The following VWA8 variants were observed in gnomAD, a reference collection of about 807,000 sequenced individuals.
VWA8 encodes von Willebrand factor A domain-containing protein 8.
In VWA8, 221 loss-of-function variants were observed where a neutral mutation model predicts 241.5. The ratio of observed to expected loss-of-function variants is 0.91; its 90% CI spans 0.82 to 1.02. The LOEUF is 1.02. VWA8 is among the 50% of genes least tolerant of loss of function. The pLI, the probability that VWA8 is intolerant of heterozygous loss-of-function variation, is 0.00. For missense variants in VWA8, 2,322 were observed against 2,328.7 expected (o/e 1.00, Z 0.06); for synonymous variants, 852 against 827.1 (o/e 1.03, Z -0.52).
intron 10 of VWA8, among the ~76,000 whole-genome samples, chr13:41,867,557 C>T (rs922037885): frequency 1.3e-5 from 2 of 152,022 alleles, no homozygotes; most frequent in African/African-American, 4.8e-5. Flanking sequence ...ATGGATCTTG[C>T]GGGATTTAAA....
At chr13:41,612,333 T>C (rs9590616) in intron 38 of VWA8, among the ~76,000 whole-genome samples, 2,439 of 152,294 alleles carry the variant, frequency 0.016, 73 homozygotes, top group African/African-American at 0.055. Flanking sequence ...TTACACCAAC[T>C]TTGACTTCTG....
At chr13:41,866,361 ATAT>A (rs1566486804) in intron 10 of VWA8, among the ~76,000 whole-genome samples, 1 of 143,860 alleles carries the variant, frequency 7.0e-6, no homozygotes, top group African/African-American at 2.6e-5. Flanking sequence ...AAAAAAAAAT[ATAT>A]ATATATATAT....
At chr13:41,845,552 C>T (rs1266296513) in intron 12 of VWA8, among the ~76,000 whole-genome samples, 1 of 151,778 alleles carries the variant, frequency 6.6e-6, no homozygotes, top group East Asian at 1.9e-4. Context: ...ACAGCAAAGA[C>T]ATGGAAGCAA....
At chr13:41,679,603 T>C (rs1413681990) in intron 35 of VWA8, among the ~76,000 whole-genome samples, 1 of 151,986 alleles carries the variant, frequency 6.6e-6, no homozygotes, top group Non-Finnish European at 1.5e-5. Context: ...AAGAAAGCAA[T>C]AAATTTCTCC....
In VWA8 at chr13:41,738,804, T is replaced by G. The variant is rs1037333506; in HGVS notation, c.2427-6649A>C. ...GAAAAACACATTTTCTAATCATTTT[T>G]TTGAAAAAAAATGGAAGAATGAAAT... On this transcript the variant is annotated intron_variant, in intron 21 of 44. Coordinates refer to ENST00000379310, the MANE Select transcript of VWA8 (RefSeq NM_015058.2). Among the ~76,000 whole-genome samples, 5 of 152,158 alleles carry G rather than the reference T, an allele frequency of 3.3e-5. No homozygotes were observed. In the South Asian group the frequency reaches 1.0e-3, roughly 32 times the overall value.
intron 5 of VWA8, among the ~76,000 whole-genome samples, chr13:41,887,770 T>C (rs1194519004): frequency 1.3e-5 from 2 of 152,266 alleles, no homozygotes; most frequent in African/African-American, 4.8e-5. Flanking sequence ...ATTATGTTTA[T>C]GGTTATTCCT....
chr13:41,611,510 C>T lies in VWA8; in HGVS notation c.4877+66G>A, dbSNP rs3814783. The T allele has an allele frequency of 1.8e-3, 2,737 of 1,544,324 alleles. 89 individuals are homozygous for T. The East Asian group carries it at 0.054, about 31-fold the overall frequency. Reference sequence around the variant, plus strand: ...GGAAACACACACAAATCTAGGTTTCCCCACAGTCCATCATGACATTTCACC... The same window carrying T: ...GGAAACACACACAAATCTAGGTTTCTCCACAGTCCATCATGACATTTCACC... On this transcript the variant is annotated intron_variant, in intron 39 of 44. Transcript: ENST00000379310.
rs375039841 is a variant in VWA8 at position 41,614,448 on chromosome 13, G to A, written c.4720+528C>T. 3.3e-4 allele frequency among the ~76,000 whole-genome samples: 51 copies of A among 152,294 alleles called. 1 individual carries two copies. In the South Asian group the frequency reaches 8.7e-3, roughly 26 times the overall value. On this transcript the variant is annotated intron_variant, in intron 38 of 44. Transcript: ENST00000379310. ...AGCCAAGAGGAAGGAGTCGGCCATC[G>A]GTTTAGACTGCAACCAGCCTTATCT...
intron 21 of VWA8, among the ~76,000 whole-genome samples, chr13:41,760,515 A>G (rs2045731582): frequency 6.6e-6 from 1 of 151,914 alleles, no homozygotes; most frequent in African/African-American, 2.4e-5. Flanking sequence ...ATTACTTGAT[A>G]TATTTCTTGA....
chr13:41,860,357 C>T (rs1181472728), intron 12 of VWA8, among the ~76,000 whole-genome samples: 1 of 152,148 alleles, frequency 6.6e-6, no homozygotes, highest in African/African-American at 2.4e-5. Flanking sequence ...AGGATATGTA[C>T]AAAGGATGGG....
At chr13:41,575,030 C>T (rs140655201) in intron 43 of VWA8, among the ~76,000 whole-genome samples, 37 of 152,192 alleles carry the variant, frequency 2.4e-4, no homozygotes, top group African/African-American at 7.9e-4. Flanking sequence ...CATCATCAAC[C>T]AATGAGTGAT....
chr13:41,934,861 T>TGTG, intron 2 of VWA8, among the ~76,000 whole-genome samples: 1 of 152,052 alleles, frequency 6.6e-6, no homozygotes, highest in African/African-American at 2.4e-5. Context: ...TGTAAAAACA[T>TGTG]CAAATTATAC....
At chr13:41,646,621 G>C (rs1044687856) in intron 37 of VWA8, among the ~76,000 whole-genome samples, 1 of 152,064 alleles carries the variant, frequency 6.6e-6, no homozygotes, top group Non-Finnish European at 1.5e-5. Context: ...TATAAACAAT[G>C]AATGTATTCT....
chr13:41,689,370 CCAA>C lies in VWA8; in HGVS notation c.4112_4114del (p.Val1371del). 1 of 1,608,512 alleles carries C rather than the reference CCAA, an allele frequency of 6.2e-7. No individual in the cohort carries two copies. Among genetic ancestry groups the C allele is most frequent in the Non-Finnish European group, 8.5e-7 (1 of 1,177,766 alleles). ...GGTGCTTACCATGAGATCTGGAAAACCAACAACTATTGTAGCATAATTTTTCTC... is the reference window on the plus strand; with the variant it reads ...GGTGCTTACCATGAGATCTGGAAAACCAACTATTGTAGCATAATTTTTCTC... On this transcript the variant is annotated inframe_deletion, in exon 34 of 45. Coordinates refer to ENST00000379310, the MANE Select transcript of VWA8 (RefSeq NM_015058.2).
At chr13:41,810,065 T>C (rs977217281) in intron 17 of VWA8, among the ~76,000 whole-genome samples, 1 of 152,164 alleles carries the variant, frequency 6.6e-6, no homozygotes, top group South Asian at 2.1e-4. Flanking sequence ...CTCACCCCAA[T>C]TAAAATGGCT....
intron 21 of VWA8, among the ~76,000 whole-genome samples, chr13:41,747,288 T>C (rs1401142057): frequency 6.6e-6 from 1 of 152,234 alleles, no homozygotes; most frequent in African/African-American, 2.4e-5. Flanking sequence ...CAGTGGTTTG[T>C]CGTTCTCCTT....
intron 36 of VWA8, among the ~76,000 whole-genome samples, chr13:41,671,744 C>A (rs935839291): frequency 4.6e-5 from 7 of 152,130 alleles, no homozygotes; most frequent in East Asian, 3.9e-4. Context: ...TCCCTTCCCC[C>A]CCATTCATGT....
At chr13:41,619,134 T>G (rs1038275129) in intron 37 of VWA8, among the ~76,000 whole-genome samples, 1 of 152,212 alleles carries the variant, frequency 6.6e-6, no homozygotes, top group African/African-American at 2.4e-5. Flanking sequence ...TTTGTTTGTG[T>G]CCTATTTCAT....
intron 17 of VWA8, among the ~76,000 whole-genome samples, chr13:41,792,110 C>T (rs552453567): frequency 5.3e-5 from 8 of 151,938 alleles, no homozygotes; most frequent in Admixed American, 5.2e-4. Flanking sequence ...AGCATGTTTT[C>T]AAATGTTTAT....
Sources: allele counts gnomAD v4.1 joint callset (sites outside exome capture counted in the v4.1 genomes callset), GRCh38; gene constraint gnomAD v4.1.1; transcripts MANE v1.5; gene names NCBI Gene and HGNC (gene_info 2026-07-23, HGNC 2026-07-21).